The following PDE10A variants were observed in gnomAD, a reference collection of about 807,000 sequenced individuals.
PDE10A encodes cAMP and cAMP-inhibited cGMP 3',5'-cyclic phosphodiesterase 10A.
In PDE10A, 39 loss-of-function variants were observed where a neutral mutation model predicts 97.7. That is an observed-to-expected ratio of 0.40 (90% confidence interval 0.31 to 0.52). The LOEUF (loss-of-function observed/expected upper bound fraction) is 0.52, where lower values mean the gene tolerates loss of function less well. PDE10A is among the 20% of genes least tolerant of loss of function. PDE10A has a pLI of 0.56. For missense variants in PDE10A, 731 were observed against 1,047.8 expected, an observed-to-expected ratio of 0.70 and a Z score of 4.17; for synonymous variants, 371 against 376.8, an observed-to-expected ratio of 0.98 and a Z score of 0.18.
chr6:165,414,703 T>C (rs139692129), intron 12 of PDE10A, among the ~76,000 whole-genome samples: 41 of 152,338 alleles, frequency 2.7e-4, no homozygotes, highest in Non-Finnish European at 4.1e-4. Flanking sequence ...GCGGAGCTGA[T>C]TAGTGGACTG....
At chr6:165,633,373 CTAG>C (rs1562646287) in intron 1 of PDE10A, among the ~76,000 whole-genome samples, 1 of 152,112 alleles carries the variant, frequency 6.6e-6, no homozygotes, top group Non-Finnish European at 1.5e-5. Context: ...TAAGTGATCT[CTAG>C]TAAAGATATC....
intron 1 of PDE10A, among the ~76,000 whole-genome samples, chr6:165,725,807 C>T (rs1456368839): frequency 6.6e-6 from 1 of 152,116 alleles, no homozygotes; most frequent in Non-Finnish European, 1.5e-5. Flanking sequence ...TTCTTTCTGC[C>T]CCTAGCAAGC....
intron 17 of PDE10A, among the ~76,000 whole-genome samples, chr6:165,383,911 A>T (rs2128209781): frequency 6.6e-6 from 1 of 152,196 alleles, no homozygotes; most frequent in South Asian, 2.1e-4. Context: ...GGGGGCCACA[A>T]GAAAGGGTGT....
intron 1 of PDE10A, among the ~76,000 whole-genome samples, chr6:165,700,030 C>A (rs1791530487): frequency 6.6e-6 from 1 of 151,978 alleles, no homozygotes; most frequent in Non-Finnish European, 1.5e-5. Context: ...AATAATGAAA[C>A]AAAACACTGG....
At chr6:165,899,531 T>C (rs1381279200) in intron 1 of PDE10A, among the ~76,000 whole-genome samples, 3 of 152,192 alleles carry the variant, frequency 2.0e-5, no homozygotes, top group Non-Finnish European at 1.5e-5. Flanking sequence ...GGCAGAGAGA[T>C]GTTTTGCAAA....
At chr6:165,707,259 G>A (rs1228938001) in intron 1 of PDE10A, among the ~76,000 whole-genome samples, 4 of 152,172 alleles carry the variant, frequency 2.6e-5, no homozygotes. Flanking sequence ...TGGTCCCCAG[G>A]GGATGGGTGG....
At chr6:165,623,259 G>A (rs189747929) in intron 1 of PDE10A, among the ~76,000 whole-genome samples, 16,052 of 149,124 alleles carry the variant, frequency 0.11, 844 homozygotes, top group Middle Eastern at 0.13. Flanking sequence ...CCGAGTAGCT[G>A]GGATTACAGG....
chr6:165,949,162 A>G (rs770968944), intron 1 of PDE10A: 1 of 152,234 alleles, frequency 6.6e-6, no homozygotes, highest in Non-Finnish European at 1.5e-5. Context: ...ATGGGGATAT[A>G]GGCTCCATGG....
chr6:165,812,525 C>T (rs1276667925), intron 1 of PDE10A, among the ~76,000 whole-genome samples: 2 of 152,126 alleles, frequency 1.3e-5, no homozygotes, highest in Non-Finnish European at 2.9e-5. Flanking sequence ...TCACGGACTA[C>T]AAGCTTGAAG....
rs116304925 is a variant in PDE10A at position 165,676,885 on chromosome 6, C to G, written c.-614-133317G>C. Among the ~76,000 whole-genome samples, 1,104 of 152,296 alleles carry G rather than the reference C, an allele frequency of 7.2e-3. 9 individuals are homozygous for G. The highest frequency in any genetic ancestry group is 0.025 in the African/African-American group (1,036 of 41,570). On this transcript the variant is annotated intron_variant, in intron 1 of 19. Coordinates refer to the PDE10A transcript ENST00000366882. ...TGCAGGAGTGCATGGACTGAAGGAC[C>G]ACACGCACTCACAGCATGGCTGGGG...
chr6:165,583,100 G>A (rs1785709862), intron 1 of PDE10A, among the ~76,000 whole-genome samples: 1 of 152,122 alleles, frequency 6.6e-6, no homozygotes, highest in South Asian at 2.1e-4. Context: ...ATGTGCGGGG[G>A]CAGTATACTA....
In PDE10A at chr6:165,581,127, C is replaced by G. The variant is rs540471455; in HGVS notation, c.866-37559G>C. ...AGGTAAGAAAACCTGTCAACAGTTT[C>G]AATTCTAACTTTACCACTCATAAAA... On this transcript the variant is annotated intron_variant, in intron 1 of 21. Transcript: ENST00000539869. Among the ~76,000 whole-genome samples, 4 of 152,326 alleles carry G rather than the reference C, an allele frequency of 2.6e-5. No homozygotes were observed. In the South Asian group the frequency reaches 8.3e-4, roughly 32 times the overall value.
intron 2 of PDE10A, among the ~76,000 whole-genome samples, chr6:165,517,002 A>C (rs1282092981): frequency 6.6e-6 from 1 of 150,586 alleles, no homozygotes; most frequent in Non-Finnish European, 1.5e-5. Flanking sequence ...TATATTCATC[A>C]CATTACCATG....
intron 1 of PDE10A, among the ~76,000 whole-genome samples, chr6:165,743,259 G>T (rs2128453841): frequency 6.6e-6 from 1 of 152,278 alleles, no homozygotes; most frequent in Middle Eastern, 3.4e-3. Context: ...AAAAATTTTA[G>T]ATGTACAGAA....
chr6:165,575,955 C>G (rs1201610819), intron 1 of PDE10A, among the ~76,000 whole-genome samples: 1 of 151,938 alleles, frequency 6.6e-6, no homozygotes, highest in African/African-American at 2.4e-5. Context: ...ATATCATTAT[C>G]TCAGTCTTCA....
intron 1 of PDE10A, among the ~76,000 whole-genome samples, chr6:165,646,196 T>C (rs1789390450): frequency 6.6e-6 from 1 of 152,236 alleles, no homozygotes; most frequent in South Asian, 2.1e-4. Context: ...GACCTTGTCA[T>C]GAAGTCACAG....
At chr6:165,794,114 C>T (rs1387689581) in intron 1 of PDE10A, among the ~76,000 whole-genome samples, 1 of 10,536 alleles carries the variant, frequency 9.5e-5, no homozygotes, top group Non-Finnish European at 6.7e-4. Context: ...TCTACGCAGG[C>T]ATACACACAC....
At chr6:165,934,982 C>T (rs904212831) in intron 1 of PDE10A, among the ~76,000 whole-genome samples, 4 of 152,088 alleles carry the variant, frequency 2.6e-5, no homozygotes, top group South Asian at 2.1e-4. Flanking sequence ...ATTTGGGGCT[C>T]AAAAAGATTC....
At chr6:165,430,561 A>G (rs1476979894) in intron 8 of PDE10A, among the ~76,000 whole-genome samples, 1 of 152,148 alleles carries the variant, frequency 6.6e-6, no homozygotes, top group Non-Finnish European at 1.5e-5. Flanking sequence ...CTCAAGCACC[A>G]CAAAACATTA....
Sources: allele counts gnomAD v4.1 joint callset (sites outside exome capture counted in the v4.1 genomes callset), GRCh38; gene constraint gnomAD v4.1.1; transcripts MANE v1.5; gene names NCBI Gene and HGNC (gene_info 2026-07-23, HGNC 2026-07-21).